BBS9: variants seen among roughly 807,000 people sequenced by gnomAD.
BBS9 encodes the protein Bardet-Biedl syndrome 9, also known as protein PTHB1.
In BBS9, 89 loss-of-function variants were observed where a neutral mutation model predicts 117.7. The ratio of observed to expected loss-of-function variants is 0.76; its 90% CI spans 0.64 to 0.90. BBS9 has a LOEUF of 0.90. Among genes scored for constraint, BBS9 ranks in the 40% least tolerant of loss-of-function variants. The pLI is 0.00. For synonymous variants in BBS9, 379 were observed against 370.9 expected, an observed-to-expected ratio of 1.02 and a Z score of -0.25; for missense variants, 982 against 1,042.2, an observed-to-expected ratio of 0.94 and a Z score of 0.80.
chr7:33,561,028 T>A (rs905738606), intron 21 of BBS9, among the ~76,000 whole-genome samples: 1 of 152,186 alleles, frequency 6.6e-6, no homozygotes, highest in Non-Finnish European at 1.5e-5. Flanking sequence ...CTTATGCTAC[T>A]TCTTGGAGAC....
At chr7:33,204,027 C>T (rs1030276278) in intron 5 of BBS9, among the ~76,000 whole-genome samples, 10 of 150,272 alleles carry the variant, frequency 6.7e-5, no homozygotes, top group Admixed American at 3.3e-4. Flanking sequence ...CCGGCCAGAA[C>T]GAACACTACT....
rs570978566 is a variant in BBS9 at position 33,555,164 on chromosome 7, C to T, written c.2521+20988C>T. Among the ~76,000 whole-genome samples the T allele has an allele frequency of 2.6e-5, 4 of 152,294 alleles. No homozygotes were observed. In the East Asian group the frequency reaches 7.7e-4, roughly 29 times the overall value. ...CACTGTCTCAAATGAAAGAGCACTG[C>T]CCCATCTTGTTATTTCATCAGAGGG... On this transcript the variant is annotated intron_variant, in intron 21 of 22. Coordinates refer to ENST00000242067, the MANE Select transcript of BBS9 (RefSeq NM_198428.3).
At chr7:33,533,873 C>T (rs1850959712) in intron 20 of BBS9, 81 bp from the exon 21 acceptor site, 2 of 1,452,354 alleles carry the variant, frequency 1.4e-6, no homozygotes, top group Admixed American at 1.7e-5. Flanking sequence ...CATAAACACT[C>T]AATAATCTGT....
chr7:33,439,011 G>A (rs1227042350), intron 19 of BBS9, among the ~76,000 whole-genome samples: 3 of 152,146 alleles, frequency 2.0e-5, no homozygotes, highest in Admixed American at 6.5e-5. Flanking sequence ...CACCAAGAGT[G>A]AACACAGAGT....
intron 5 of BBS9, among the ~76,000 whole-genome samples, chr7:33,235,451 T>C (rs762390289): frequency 6.6e-6 from 1 of 152,194 alleles, no homozygotes; most frequent in Non-Finnish European, 1.5e-5. Flanking sequence ...TTTATAAACC[T>C]TATAGTACAT....
At chr7:33,390,233 G>A (rs1180041275) in intron 19 of BBS9, 1 of 984,882 alleles carries the variant, frequency 1.0e-6, no homozygotes, top group African/African-American at 1.7e-5. Flanking sequence ...GTATCTTTTT[G>A]TAGACACAAT....
At chr7:33,408,480 A>G (rs969007796) in intron 19 of BBS9, among the ~76,000 whole-genome samples, 6 of 152,094 alleles carry the variant, frequency 3.9e-5, no homozygotes, top group African/African-American at 1.4e-4. Context: ...CCCTAGTGAG[A>G]TGAACCCAGT....
chr7:33,632,778 A>G (rs958314239), intron 21 of BBS9, among the ~76,000 whole-genome samples: 1 of 151,782 alleles, frequency 6.6e-6, no homozygotes, highest in Admixed American at 6.6e-5. Context: ...AGGCCACACT[A>G]CTCAAACATT....
chr7:33,542,680 G>A lies in BBS9; in HGVS notation c.2521+8504G>A, dbSNP rs1168699953. Among the ~76,000 whole-genome samples, 4 of 149,796 alleles carry A rather than the reference G, an allele frequency of 2.7e-5. No individual in the cohort carries two copies. The East Asian group carries it at 8.0e-4, about 30-fold the overall frequency. ...TTAATTCACTCCTTTTTATGCCTGC[G>A]TAGTATTCCATTATATATATGTGTG... On this transcript the variant is annotated intron_variant, in intron 21 of 22. Coordinates refer to ENST00000242067, the MANE Select transcript of BBS9 (RefSeq NM_198428.3).
downstream of BBS9, among the ~76,000 whole-genome samples, chr7:33,609,626 T>A (rs994353988): frequency 6.6e-6 from 1 of 152,152 alleles, no homozygotes; most frequent in Non-Finnish European, 1.5e-5. Context: ...GGAATCTTAC[T>A]GCTTCTGCTT....
At chr7:33,630,412 A>C (rs1227740364) in intron 21 of BBS9, among the ~76,000 whole-genome samples, 1 of 152,126 alleles carries the variant, frequency 6.6e-6, no homozygotes, top group Non-Finnish European at 1.5e-5. Context: ...GTAAAAAATT[A>C]AACTCCTATA....
intron 9 of BBS9, among the ~76,000 whole-genome samples, chr7:33,279,746 T>G (rs1375079864): frequency 1.3e-5 from 2 of 152,212 alleles, no homozygotes; most frequent in Admixed American, 1.3e-4. Context: ...AATTAAATTG[T>G]TTTTTATTTA....
At chr7:33,620,233 A>C (rs1224759293) in intron 21 of BBS9, among the ~76,000 whole-genome samples, 2 of 152,088 alleles carry the variant, frequency 1.3e-5, no homozygotes, top group Non-Finnish European at 2.9e-5. Flanking sequence ...ACCCAGAGGA[A>C]ATGTACAAAG....
chr7:33,477,912 T>A (rs1033383545), intron 19 of BBS9, among the ~76,000 whole-genome samples: 1 of 152,120 alleles, frequency 6.6e-6, no homozygotes, highest in Non-Finnish European at 1.5e-5. Context: ...GGTTGTGTCA[T>A]CTTTTGTTTG....
At chr7:33,424,391 G>A (rs915790778) in intron 19 of BBS9, among the ~76,000 whole-genome samples, 2 of 152,068 alleles carry the variant, frequency 1.3e-5, no homozygotes, top group Non-Finnish European at 2.9e-5. Flanking sequence ...CAGTCTGGAG[G>A]GGAACATTAA....
At chr7:33,527,471 T>G (rs1381225351) in intron 20 of BBS9, among the ~76,000 whole-genome samples, 1 of 152,062 alleles carries the variant, frequency 6.6e-6, no homozygotes, top group Non-Finnish European at 1.5e-5. Context: ...TTTAAGCGGG[T>G]CTGAAAAGCG....
intron 5 of BBS9, among the ~76,000 whole-genome samples, chr7:33,211,609 C>A (rs893048567): frequency 6.6e-6 from 1 of 152,016 alleles, no homozygotes; most frequent in Admixed American, 6.6e-5. Context: ...TTTAGTCTTT[C>A]TACTTAATGT....
intron 21 of BBS9, among the ~76,000 whole-genome samples, chr7:33,632,101 A>G (rs2129230055): frequency 6.6e-6 from 1 of 152,292 alleles, no homozygotes; most frequent in South Asian, 2.1e-4. Flanking sequence ...AATGTAATGG[A>G]ATATGGCATA....
intron 10 of BBS9, 48 bp from the exon 11 acceptor site, chr7:33,340,849 G>A: frequency 6.7e-7 from 1 of 1,500,718 alleles, no homozygotes; most frequent in South Asian, 1.2e-5. Flanking sequence ...ACTATATATA[G>A]AAAGTTTTAC....
Sources: allele counts gnomAD v4.1 joint callset (sites outside exome capture counted in the v4.1 genomes callset), GRCh38; gene constraint gnomAD v4.1.1; transcripts MANE v1.5; gene names NCBI Gene and HGNC (gene_info 2026-07-23, HGNC 2026-07-21).